H2BC12: variants seen among roughly 807,000 people sequenced by gnomAD.
H2BC12 encodes the protein histone H2B type 1-K.
Under a neutral mutation model 6.3 loss-of-function variants are expected in H2BC12, and 6 were observed. The observed-to-expected ratio is 0.95, with a 90% CI of 0.52 to 1.87. The LOEUF is 1.87. H2BC12 is among the 40% of genes most tolerant of loss of function. H2BC12 has a pLI of 0.01. For synonymous variants in H2BC12, 132 were observed against 78.5 expected, an observed-to-expected ratio of 1.68 and a Z score of -3.60; for missense variants, 119 against 178.4, an observed-to-expected ratio of 0.67 and a Z score of 1.90.
chr6:27,146,383 T>A lies in H2BC12; in HGVS notation c.*35A>T. On this transcript the variant is annotated 3_prime_UTR_variant, in exon 1 of 1. Coordinates refer to ENST00000356950, the MANE Select transcript of H2BC12 (RefSeq NM_001312653.2). Reference sequence around the variant, plus strand: ...ATTTAAGTGGCTCTTAAAAGAGCCTTTGGGGTTGGGCTTTAAGACGCTTAC... The same window carrying A: ...ATTTAAGTGGCTCTTAAAAGAGCCTATGGGGTTGGGCTTTAAGACGCTTAC... 6.2e-7 allele frequency: 1 copy of A among 1,613,810 alleles called. No homozygotes were observed. The highest frequency in any genetic ancestry group is 8.5e-7 in the Non-Finnish European group (1 of 1,179,906).
At chr6:27,139,174 T>G in the H2BC12 span, 1 of 944,018 alleles carries the variant, frequency 1.1e-6, no homozygotes, top group Non-Finnish European at 1.5e-6. Context: ...CCTGTTTCCC[T>G]TTTAGGTCCC....
downstream of H2BC12, among the ~76,000 whole-genome samples, chr6:27,143,133 C>T (rs1372352386): frequency 6.6e-6 from 1 of 152,020 alleles, no homozygotes; most frequent in African/African-American, 2.4e-5. Flanking sequence ...AGGTGGATCA[C>T]CTTAAGTCAG....
At chr6:27,139,618 TA>T in the H2BC12 span, 3 of 1,605,942 alleles carry the variant, frequency 1.9e-6, no homozygotes, top group Non-Finnish European at 2.6e-6. Context: ...CTTCGGCGGC[TA>T]AATGGCATTT....
chr6:27,139,418 G>C, the H2BC12 span: 7 of 1,614,242 alleles, frequency 4.3e-6, no homozygotes, highest in Non-Finnish European at 5.9e-6. Flanking sequence ...GCCATTCGGC[G>C]CCTTGCTCGC....
At chr6:27,139,225 G>T in the H2BC12 span, 2 of 1,464,142 alleles carry the variant, frequency 1.4e-6, no homozygotes, top group Non-Finnish European at 1.8e-6. Context: ...AGCTCTTCCG[G>T]TTTTCAGTCT....
At chr6:27,142,301 T>C (rs961541641), downstream of H2BC12, among the ~76,000 whole-genome samples, 4 of 152,294 alleles carry the variant, frequency 2.6e-5, no homozygotes, top group South Asian at 6.2e-4. Flanking sequence ...AGACGAACTC[T>C]CGCTTTCGTC....
chr6:27,143,344 T>A (rs894855116), downstream of H2BC12, among the ~76,000 whole-genome samples: 1 of 149,914 alleles, frequency 6.7e-6, no homozygotes, highest in Admixed American at 6.6e-5. Flanking sequence ...AGAGTAAGAC[T>A]GTCTCAAAAA....
At chr6:27,139,500 G>A in the H2BC12 span, 69 of 1,612,022 alleles carry the variant, frequency 4.3e-5, no homozygotes, top group African/African-American at 6.7e-4. Flanking sequence ...TGTTCCTGGA[G>A]AACGTGATCC....
At chr6:27,139,383 C>A in the H2BC12 span, 1 of 1,614,236 alleles carries the variant, frequency 6.2e-7, no homozygotes, top group Non-Finnish European at 8.5e-7. Context: ...TGCTGCGCGA[C>A]AACATCCAGG....
At chr6:27,139,158 A>C in the H2BC12 span, 1 of 755,126 alleles carries the variant, frequency 1.3e-6, no homozygotes, top group Non-Finnish European at 2.1e-6. Context: ...AGTAGAGCAC[A>C]GCAGGCCTGT....
chr6:27,146,349 A>C, downstream of H2BC12: 1 of 1,606,638 alleles, frequency 6.2e-7, no homozygotes, highest in Non-Finnish European at 8.5e-7. Context: ...TACAGCTCTA[A>C]TATCGATAAT....
downstream of H2BC12, among the ~76,000 whole-genome samples, chr6:27,146,020 G>T (rs1253921921): frequency 6.6e-6 from 1 of 152,186 alleles, no homozygotes; most frequent in African/African-American, 2.4e-5. Context: ...ACTCACGTTA[G>T]AACGCCATTA....
the H2BC12 span, chr6:27,139,841 T>G: frequency 5.7e-6 from 4 of 696,572 alleles, no homozygotes; most frequent in African/African-American, 3.7e-5. Flanking sequence ...GAGCCTCTGC[T>G]GGCCAGTAAC....
the H2BC12 span, chr6:27,139,738 G>A: frequency 1.4e-6 from 2 of 1,404,148 alleles, no homozygotes; most frequent in Non-Finnish European, 9.5e-7. Context: ...TTGTCAGTGA[G>A]TTCTGTCATC....
Position 27,146,422 on chromosome 6 carries a change from T to G in H2BC12, c.377A>C (p.Lys126Thr). The G allele has an allele frequency of 6.2e-7, 1 of 1,614,268 alleles. No homozygotes were observed. The highest frequency in any genetic ancestry group is 8.5e-7 in the Non-Finnish European group (1 of 1,180,050). ...TKAVTKYTSA[K>T] Reference sequence around the variant, plus strand: ...TAAGACGCTTACTTGGCAAGTTTACTTAGCGCTGGTGTACTTGGTGACGGC... The same window carrying G: ...TAAGACGCTTACTTGGCAAGTTTACGTAGCGCTGGTGTACTTGGTGACGGC... The change falls in exon 1 of 1, where the codon AAG becomes ACG. Residue 126 changes from lysine (K) to threonine (T), a missense_variant. By Grantham distance (78) the Lys-to-Thr change is moderately conservative. Around this residue, in one of 2 missense-constraint regions of H2BC12, gnomAD observed 69 missense variants for 141.0 expected, o/e 0.49. Transcript: ENST00000356950.
chr6:27,145,339 A>ACACACAC (rs1554184474), downstream of H2BC12, among the ~76,000 whole-genome samples: 3 of 115,666 alleles, frequency 2.6e-5, no homozygotes, highest in Non-Finnish European at 3.9e-5. Flanking sequence ...CACACACACA[A>ACACACAC]AATTCCCCTG....
chr6:27,143,648 T>G (rs1211790621), downstream of H2BC12, among the ~76,000 whole-genome samples: 2 of 150,914 alleles, frequency 1.3e-5, no homozygotes, highest in African/African-American at 4.9e-5. Context: ...AACATATGAT[T>G]GCCAAGTCCC....
At chr6:27,144,831 CTG>C (rs962173852), downstream of H2BC12, among the ~76,000 whole-genome samples, 7 of 152,082 alleles carry the variant, frequency 4.6e-5, no homozygotes, top group African/African-American at 1.7e-4. Context: ...GAGTTTTGCT[CTG>C]TTGCCCAGGC....
downstream of H2BC12, among the ~76,000 whole-genome samples, chr6:27,143,329 G>T (rs1415850973): frequency 6.6e-6 from 1 of 151,838 alleles, no homozygotes; most frequent in Non-Finnish European, 1.5e-5. Context: ...TCCAGCCTTG[G>T]CGACAGAGTA....
Sources: allele counts gnomAD v4.1 joint callset (sites outside exome capture counted in the v4.1 genomes callset), GRCh38; gene constraint gnomAD v4.1.1; regional missense constraint gnomAD v4.1.1; transcripts MANE v1.5; gene names NCBI Gene and HGNC (gene_info 2026-07-23, HGNC 2026-07-21).